Variants in CYYR1 observed in about 807,000 individuals in gnomAD.
CYYR1 encodes cysteine and tyrosine-rich protein 1.
A neutral mutation model predicts 15.2 loss-of-function variants in CYYR1; 14 were observed. That is an observed-to-expected ratio of 0.92 (90% CI 0.61 to 1.44). CYYR1 has a LOEUF of 1.44. Ranked by LOEUF, CYYR1 falls within the 40% of genes most tolerant of loss-of-function variation. CYYR1 has a pLI of 0.00. For missense variants in CYYR1, 228 were observed against 209.5 expected (o/e 1.09, Z -0.54); for synonymous variants, 80 against 77.4 (o/e 1.03, Z -0.18).
At chr21:26,556,925 G>A (rs1398189166) in intron 2 of CYYR1, among the ~76,000 whole-genome samples, 2 of 152,090 alleles carry the variant, frequency 1.3e-5, no homozygotes, top group African/African-American at 4.8e-5. Context: ...AAAATATAGC[G>A]TTTAGGTCTT....
rs79312376 is a variant in CYYR1, at chr21:26,550,461, G to A, written c.176+15805C>T. 3.0e-3 allele frequency: 457 copies of A among 152,298 alleles called. 2 individuals carry two copies. Among genetic ancestry groups the A allele is most frequent in the African/African-American group, 0.01 (436 of 41,574 alleles). The allele number at this position is 152,298 out of a possible 1,614,324, so 9.4% of individuals were successfully genotyped here. A position where few individuals can be genotyped will look rare whatever the true frequency, so the allele number is the denominator to read the frequency against. On this transcript the variant is annotated intron_variant, in intron 2 of 3. Coordinates refer to ENST00000652641, the MANE Select transcript of CYYR1 (RefSeq NM_001320768.2). ...AGCTAGAAATGATTAAGCTTCGTGA[G>A]GAAGGCAAGTTGAAAGCTGAGACAG...
intron 3 of CYYR1, among the ~76,000 whole-genome samples, chr21:26,474,438 G>A (rs1334147511): frequency 7.0e-6 from 1 of 143,692 alleles, no homozygotes; most frequent in Admixed American, 7.0e-5. Flanking sequence ...TAACAGAGTA[G>A]GTGCCTTGCT....
At chr21:26,510,357 C>T (rs2065629592) in intron 2 of CYYR1, among the ~76,000 whole-genome samples, 1 of 152,166 alleles carries the variant, frequency 6.6e-6, no homozygotes, top group South Asian at 2.1e-4. Context: ...GGCTTAACAG[C>T]TGTGATACCT....
At chr21:26,489,473 G>A (rs6516735) in intron 2 of CYYR1, among the ~76,000 whole-genome samples, 127,076 of 151,972 alleles carry the variant, frequency 0.84, 53,969 homozygotes, top group Non-Finnish European at 0.89. Context: ...AATGAGAGTC[G>A]AATACATATG....
At chr21:26,568,207 C>T (rs1980774506) in intron 1 of CYYR1, 1 of 152,200 alleles carries the variant, frequency 6.6e-6, no homozygotes, top group Non-Finnish European at 1.5e-5. Flanking sequence ...CCATAGCTCT[C>T]ATTTTTAGTG....
At chr21:26,472,616 T>C (rs2065049941) in intron 3 of CYYR1, among the ~76,000 whole-genome samples, 1 of 152,124 alleles carries the variant, frequency 6.6e-6, no homozygotes, top group Admixed American at 6.5e-5. Flanking sequence ...GTTGTTGCTC[T>C]GGACTGGTGA....
chr21:26,570,859 C>T (rs534584233), intron 1 of CYYR1, among the ~76,000 whole-genome samples: 16 of 152,136 alleles, frequency 1.1e-4, no homozygotes, highest in African/African-American at 3.6e-4. Context: ...TTTGATCACA[C>T]GATATCCTAC....
chr21:26,563,929 CATTT>C (rs1980423395), intron 2 of CYYR1, among the ~76,000 whole-genome samples: 1 of 152,148 alleles, frequency 6.6e-6, no homozygotes. Context: ...TAAAAATATT[CATTT>C]AAGTTACCTA....
chr21:26,560,740 G>A (rs1410294316), intron 2 of CYYR1, among the ~76,000 whole-genome samples: 3 of 152,132 alleles, frequency 2.0e-5, no homozygotes, highest in South Asian at 4.2e-4. Context: ...AAAGCTCCTC[G>A]TCTCTGATCC....
At position 26,473,081 on chromosome 21, in the gene CYYR1, A is replaced by G. The variant is rs1439832108; in HGVS notation, c.335-4447T>C. ...TTTACAGTATATAAAATTCTAATAT[A>G]CCTGTTCTATTCCAATGACCAAGGT... On this transcript the variant is annotated intron_variant, in intron 3 of 3. Transcript: ENST00000652641. 2.6e-5 allele frequency among the ~76,000 whole-genome samples: 4 copies of G among 152,100 alleles called. No individual in the cohort carries two copies. In the East Asian group the frequency reaches 5.8e-4, roughly 22 times the overall value.
chr21:26,482,664 G>A (rs1399433738), intron 2 of CYYR1: 2 of 198,834 alleles, frequency 1.0e-5, no homozygotes, highest in Non-Finnish European at 1.8e-5. Context: ...ACTCTTACGT[G>A]ATTGATAATT....
At chr21:26,512,357 C>G (rs1302488375) in intron 2 of CYYR1, among the ~76,000 whole-genome samples, 3 of 152,078 alleles carry the variant, frequency 2.0e-5, no homozygotes, top group African/African-American at 4.8e-5. Context: ...TGCCACCATG[C>G]CTGGCTAATT....
intron 2 of CYYR1, among the ~76,000 whole-genome samples, chr21:26,496,270 T>C (rs2830257): frequency 0.18 from 27,164 of 152,122 alleles, 2,723 homozygotes; most frequent in South Asian, 0.24. Flanking sequence ...CTTAAGAGCT[T>C]TGTCTCAATA....
In CYYR1 at chr21:26,513,754, C is replaced by T. The variant is rs370454035; in HGVS notation, c.177-33325G>A. Among the ~76,000 whole-genome samples, 11 of 151,826 alleles carry T rather than the reference C, an allele frequency of 7.2e-5. No homozygotes were observed. In the East Asian group the frequency reaches 1.5e-3, roughly 21 times the overall value. The stretch of plus-strand genomic sequence containing the variant: ...TAGAAAGATCAGGGCTCTAAAAGGG[C>T]GACTGGGGCAAAAGTCCAAAGAGGA... On this transcript the variant is annotated intron_variant, in intron 2 of 3. Coordinates refer to ENST00000652641, the MANE Select transcript of CYYR1 (RefSeq NM_001320768.2).
chr21:26,476,690 C>G (rs955994365), intron 3 of CYYR1, among the ~76,000 whole-genome samples: 20 of 151,846 alleles, frequency 1.3e-4, no homozygotes, highest in African/African-American at 3.9e-4. Context: ...TAATATACGT[C>G]AAATCTCATT....
chr21:26,512,360 G>A (rs1332713984), intron 2 of CYYR1, among the ~76,000 whole-genome samples: 2 of 151,962 alleles, frequency 1.3e-5, no homozygotes, highest in Non-Finnish European at 2.9e-5. Flanking sequence ...CACCATGCCT[G>A]GCTAATTTTT....
intron 2 of CYYR1, among the ~76,000 whole-genome samples, chr21:26,565,678 C>T (rs1396335283): frequency 6.6e-6 from 1 of 152,182 alleles, no homozygotes; most frequent in Non-Finnish European, 1.5e-5. Flanking sequence ...TCTACATGTA[C>T]ATATTTCATT....
intron 1 of CYYR1, among the ~76,000 whole-genome samples, chr21:26,571,729 G>A (rs1010439144): frequency 1.3e-5 from 2 of 152,086 alleles, no homozygotes. Context: ...TTTAATAAAA[G>A]AAATAAATGT....
rs542455750 is a variant in CYYR1, at chr21:26,468,762, A to G, written c.335-128T>C. On this transcript the variant is annotated intron_variant, in intron 3 of 3. Coordinates refer to ENST00000652641, the MANE Select transcript of CYYR1 (RefSeq NM_001320768.2). ...TGGCTGCAAAAATCTTAGTTTTATT[A>G]GGTCAGGACCACATATGTATGAAAG... 1.3e-4 allele frequency: 89 copies of G among 663,576 alleles called. 1 individual carries two copies. The South Asian group carries it at 1.6e-3, about 12-fold the overall frequency. The allele number at this position is 663,576 out of a possible 1,614,324, so 41.1% of individuals were successfully genotyped here.
Sources: allele counts gnomAD v4.1 joint callset (sites outside exome capture counted in the v4.1 genomes callset), GRCh38; gene constraint gnomAD v4.1.1; transcripts MANE v1.5; gene names NCBI Gene and HGNC (gene_info 2026-07-23, HGNC 2026-07-21).